Variants in FAT3 observed in about 807,000 individuals in gnomAD.
The protein encoded by FAT3 is protocadherin Fat 3.
A neutral mutation model predicts 310.2 loss-of-function variants in FAT3; 95 were observed. The observed-to-expected ratio is 0.31, with a 90% CI of 0.26 to 0.36. The LOEUF (loss-of-function observed/expected upper bound fraction) is 0.36, where lower values mean the gene tolerates loss of function less well. Ranked by LOEUF, FAT3 falls within the 10% of genes least tolerant of loss-of-function variation. The pLI, the probability that FAT3 is intolerant of heterozygous loss-of-function variation, is 1.00. For missense variants in FAT3, 5,408 were observed against 5,715.6 expected (o/e 0.95, Z 1.74); for synonymous variants, 2,314 against 2,192.9 (o/e 1.06, Z -1.54).
chr11:92,852,830 G>A lies in FAT3; in HGVS notation c.11366-4384G>A, dbSNP rs75433273. Reference sequence around the variant, plus strand: ...GATTTAATTACATGTCATGCTATGGGTTATGACAGAAGGAAATAAGAAAAA... The same window carrying A: ...GATTTAATTACATGTCATGCTATGGATTATGACAGAAGGAAATAAGAAAAA... On this transcript the variant is annotated intron_variant, in intron 19 of 27. Transcript: ENST00000525166. 8.4e-3 allele frequency among the ~76,000 whole-genome samples: 1,282 copies of A among 152,238 alleles called. 20 individuals carry two copies. The highest frequency in any genetic ancestry group is 0.029 in the African/African-American group (1,211 of 41,536).
chr11:92,430,473 C>T (rs1200544876), intron 2 of FAT3, among the ~76,000 whole-genome samples: 2 of 151,506 alleles, frequency 1.3e-5, no homozygotes, highest in Non-Finnish European at 2.9e-5. Context: ...ATGGATTTGT[C>T]TACCTTTGGT....
In FAT3 at chr11:92,887,027, T is replaced by G; in HGVS notation, c.12965T>G (p.Val4322Gly). Residue 4322 changes from valine to glycine, a missense_variant, in exon 25 of 28, where the codon GTG becomes GGG. Physicochemically the swap from Val to Gly is moderately radical, Grantham distance 109. This residue lies in a region of FAT3 where 649 missense variants were observed against 666.2 expected (regional missense o/e 0.97). Transcript: ENST00000525166. ...AAAGGGGTTGATGACCCGGGAGAAG[T>G]GACCTGCTTTGCAGGTAGTAATAAA... ...ENKGVDDPGE[V>G]TCFAGSNKGS... is the part of the protein sequence containing the mutation. 6.2e-7 allele frequency: 1 copy of G among 1,609,100 alleles called. No individual in the cohort carries two copies. The highest frequency in any genetic ancestry group is 8.5e-7 in the Non-Finnish European group (1 of 1,178,012).
At chr11:92,365,307 T>G (rs1207201690) in intron 2 of FAT3, among the ~76,000 whole-genome samples, 2 of 151,878 alleles carry the variant, frequency 1.3e-5, no homozygotes, top group Admixed American at 1.3e-4. Context: ...AGATAAAAGT[T>G]TGAGGTACAC....
intron 1 of FAT3, among the ~76,000 whole-genome samples, chr11:92,340,289 CTA>C (rs1253007987): frequency 1.3e-5 from 2 of 151,894 alleles, no homozygotes; most frequent in African/African-American, 2.4e-5. Context: ...AGCAGGAGTC[CTA>C]TGGAGGGGAT....
At chr11:92,460,227 A>T (rs1255988816) in intron 2 of FAT3, among the ~76,000 whole-genome samples, 1 of 151,736 alleles carries the variant, frequency 6.6e-6, no homozygotes, top group East Asian at 1.9e-4. Context: ...CGTATTAAAG[A>T]GAAGGTAGAT....
At chr11:92,832,970 C>T (rs1948306787) in intron 14 of FAT3, among the ~76,000 whole-genome samples, 1 of 152,190 alleles carries the variant, frequency 6.6e-6, no homozygotes, top group Admixed American at 6.5e-5. Context: ...CCTTTTCCAA[C>T]TCTGGGGAAC....
chr11:92,622,987 G>A (rs1941155261), intron 3 of FAT3, among the ~76,000 whole-genome samples: 2 of 152,060 alleles, frequency 1.3e-5, no homozygotes, highest in Non-Finnish European at 2.9e-5. Context: ...CCCCAGAGAA[G>A]CATCCCAGCA....
chr11:92,235,285 C>T (rs181366865), intron 1 of FAT3, among the ~76,000 whole-genome samples: 1 of 152,126 alleles, frequency 6.6e-6, no homozygotes, highest in Admixed American at 6.5e-5. Flanking sequence ...TCTCCCAACC[C>T]TCTCTAGTTC....
intron 1 of FAT3, among the ~76,000 whole-genome samples, chr11:92,292,819 T>C (rs971560860): frequency 6.6e-6 from 1 of 151,832 alleles, no homozygotes; most frequent in Admixed American, 6.6e-5. Flanking sequence ...AAGGGTAGAG[T>C]GATGAGGATG....
chr11:92,348,136 CTT>C (rs776498105), intron 1 of FAT3, among the ~76,000 whole-genome samples: 1 of 143,418 alleles, frequency 7.0e-6, no homozygotes. Flanking sequence ...CCAGATAGGG[CTT>C]TTTTTTTTTC....
rs1425239571 is a variant in FAT3 at position 92,353,523 on chromosome 11, G to A, written c.1411G>A (p.Glu471Lys). 1 of 1,613,634 alleles carries A rather than the reference G, an allele frequency of 6.2e-7. No individual in the cohort carries two copies. The highest frequency in any genetic ancestry group is 8.5e-7 in the Non-Finnish European group (1 of 1,179,784). Residue 471 changes from glutamate to lysine, a missense_variant, in exon 2 of 28, where the codon GAA becomes AAA. By Grantham distance (56) the Glu-to-Lys change is moderately conservative (BLOSUM62 1). Coordinates refer to ENST00000525166, the MANE Select transcript of FAT3 (RefSeq NM_001367949.2). Reference protein sequence around the residue: ...SIEDANDHTPEFQQPLYDAYV... With the variant: ...SIEDANDHTPKFQQPLYDAYV... The stretch of plus-strand genomic sequence containing the variant: ...AGAAGATGCAAATGACCACACCCCA[G>A]AATTTCAGCAACCACTGTATGATGC...
chr11:92,715,977 G>A (rs1565535745), intron 4 of FAT3, among the ~76,000 whole-genome samples: 2 of 152,132 alleles, frequency 1.3e-5, no homozygotes, highest in South Asian at 2.1e-4. Context: ...CTAGATACTT[G>A]ATGAAATACA....
intron 13 of FAT3, among the ~76,000 whole-genome samples, chr11:92,831,374 A>G (rs1231426647): frequency 6.6e-6 from 1 of 152,174 alleles, no homozygotes; most frequent in African/African-American, 2.4e-5. Context: ...GGCGAGTTGT[A>G]TATTAAGAAT....
intron 2 of FAT3, among the ~76,000 whole-genome samples, chr11:92,386,417 G>T (rs1949621932): frequency 6.6e-6 from 1 of 152,148 alleles, no homozygotes; most frequent in African/African-American, 2.4e-5. Context: ...TGTTGAAAAA[G>T]ACATTGAATG....
intron 9 of FAT3, among the ~76,000 whole-genome samples, chr11:92,793,840 T>A (rs917524492): frequency 1.2e-4 from 19 of 152,298 alleles, no homozygotes; most frequent in Admixed American, 1.2e-3. Flanking sequence ...TTCATTTAAA[T>A]GTAGAGCATT....
rs148177802 is a variant in FAT3, at chr11:92,627,659, C to G, written c.3608-69725C>G. Among the ~76,000 whole-genome samples, 1,122 of 152,216 alleles carry G rather than the reference C, an allele frequency of 7.4e-3. 17 individuals carry two copies. The highest frequency in any genetic ancestry group is 0.025 in the African/African-American group (1,053 of 41,514). ...TGAGAGCCAGGGAAAGACAGTGATT[C>G]TAGTCTCACCTTTGTAAAAGGAATT... On this transcript the variant is annotated intron_variant, in intron 3 of 27. Coordinates refer to ENST00000525166, the MANE Select transcript of FAT3 (RefSeq NM_001367949.2).
In FAT3 at chr11:92,801,627, A is replaced by G. The variant is rs529848230; in HGVS notation, c.8614A>G (p.Thr2872Ala). The stretch of plus-strand genomic sequence containing the variant: ...GGAAGCATTCAATATTGACAGCAAC[A>G]CGGGCTGGATCAGTACCTTGAAGGA... ...VMEAFNIDSNTGWISTLKDLD... is the reference protein window; with the variant it reads ...VMEAFNIDSNAGWISTLKDLD... Residue 2872 changes from threonine (T) to alanine (A), a missense_variant, in exon 10 of 28, where the codon ACG becomes GCG. This residue lies in a region of FAT3 where 4,588 missense variants were observed against 4,809.8 expected (regional missense o/e 0.95). Coordinates refer to ENST00000525166, the MANE Select transcript of FAT3 (RefSeq NM_001367949.2). 3.1e-6 allele frequency: 5 copies of G among 1,613,714 alleles called. No individual in the cohort carries two copies. The South Asian group carries it at 3.3e-5, about 11-fold the overall frequency.
chr11:92,877,411 G>A (rs1949557986), intron 22 of FAT3, among the ~76,000 whole-genome samples: 1 of 152,168 alleles, frequency 6.6e-6, no homozygotes. Context: ...GAGGCCTGCA[G>A]GTGATGTTGA....
At chr11:92,828,489 C>T (rs572731824) in intron 13 of FAT3, among the ~76,000 whole-genome samples, 3 of 152,188 alleles carry the variant, frequency 2.0e-5, no homozygotes, top group Non-Finnish European at 2.9e-5. Context: ...TCTGGTTATG[C>T]TTCCTTATCA....
Sources: allele counts gnomAD v4.1 joint callset (sites outside exome capture counted in the v4.1 genomes callset), GRCh38; gene constraint gnomAD v4.1.1; regional missense constraint gnomAD v4.1.1; transcripts MANE v1.5; gene names NCBI Gene and HGNC (gene_info 2026-07-23, HGNC 2026-07-21).